Variants in BNC2 observed in about 807,000 individuals in gnomAD.
The protein encoded by BNC2 is basonuclin zinc finger protein 2.
In BNC2, 20 loss-of-function variants were observed where a neutral mutation model predicts 76.3. The observed-to-expected ratio is 0.26, with a 90% CI of 0.18 to 0.38. The LOEUF (loss-of-function observed/expected upper bound fraction) is 0.38, where lower values mean the gene tolerates loss of function less well. Ranked by LOEUF, BNC2 falls within the 10% of genes least tolerant of loss-of-function variation. BNC2 has a pLI of 1.00. For synonymous variants in BNC2, 582 were observed against 514.8 expected, an observed-to-expected ratio of 1.13 and a Z score of -1.77; for missense variants, 1,382 against 1,399.8, an observed-to-expected ratio of 0.99 and a Z score of 0.20.
chr9:16,774,918 TTTTA>T (rs201678699), intron 1 of BNC2, among the ~76,000 whole-genome samples: 51 of 152,240 alleles, frequency 3.3e-4, no homozygotes, highest in Non-Finnish European at 6.3e-4. Context: ...ATGAAGCGTT[TTTTA>T]TTTGTTTTTG....
rs537618805 is a variant in BNC2, at chr9:16,553,700, A to G, written c.434-935T>C. On this transcript the variant is annotated intron_variant, in intron 4 of 6. Coordinates refer to ENST00000380672, the MANE Select transcript of BNC2 (RefSeq NM_017637.6). ...CAACAATTGGGTGCTTTTTCTCCTC[A>G]AATTTAAGAAACGCCATCTCTTCTC... Among the ~76,000 whole-genome samples, 28 of 152,262 alleles carry G rather than the reference A, an allele frequency of 1.8e-4. No homozygotes were observed. In the South Asian group the frequency reaches 5.8e-3, roughly 32 times the overall value.
chr9:16,469,606 G>A (rs997405031), intron 5 of BNC2, among the ~76,000 whole-genome samples: 8 of 152,160 alleles, frequency 5.3e-5, no homozygotes, highest in Non-Finnish European at 8.8e-5. Context: ...AGAGTGGGGC[G>A]TTGCTGAAAA....
chr9:16,835,526 C>G (rs1818686569), intron 1 of BNC2, among the ~76,000 whole-genome samples: 1 of 152,116 alleles, frequency 6.6e-6, no homozygotes, highest in African/African-American at 2.4e-5. Context: ...TGGTGAAACC[C>G]TGTCCCTACT....
rs530268983 is a variant in BNC2, at chr9:16,636,932, T to C, written c.331-53847A>G. Among the ~76,000 whole-genome samples the C allele has an allele frequency of 7.9e-4, 120 of 151,810 alleles. 2 individuals are homozygous for C. The South Asian group carries it at 0.01, about 13-fold the overall frequency. ...TATATTATTCCATGATTTAAATATA[T>C]ATATATATGTATTTTTTTTTTAAAG... On this transcript the variant is annotated intron_variant, in intron 3 of 6. Transcript: ENST00000380672.
At chr9:16,533,111 T>G (rs992083315) in intron 5 of BNC2, among the ~76,000 whole-genome samples, 4 of 152,226 alleles carry the variant, frequency 2.6e-5, no homozygotes, top group Admixed American at 6.5e-5. Flanking sequence ...GAGAAAGAGA[T>G]AATTTTGCTA....
intron 1 of BNC2, among the ~76,000 whole-genome samples, chr9:16,740,044 C>G (rs1824796777): frequency 6.6e-6 from 1 of 152,272 alleles, no homozygotes; most frequent in East Asian, 1.9e-4. Context: ...AGGTTAGTAT[C>G]TCAGGGGATA....
At chr9:16,747,842 C>G (rs1057238673) in intron 1 of BNC2, among the ~76,000 whole-genome samples, 7 of 152,186 alleles carry the variant, frequency 4.6e-5, no homozygotes, top group Non-Finnish European at 1.0e-4. Flanking sequence ...GAAAGAGGAG[C>G]TCTGGGAAGG....
chr9:16,844,253 C>T (rs770989159), intron 1 of BNC2, among the ~76,000 whole-genome samples: 2 of 151,476 alleles, frequency 1.3e-5, no homozygotes, highest in Non-Finnish European at 2.9e-5. Flanking sequence ...TTTGCAAAAA[C>T]GGGTATATCT....
intron 3 of BNC2, among the ~76,000 whole-genome samples, chr9:16,689,056 T>G (rs1452739426): frequency 6.6e-6 from 1 of 151,042 alleles, no homozygotes; most frequent in Non-Finnish European, 1.5e-5. Context: ...TCAAAAGGGC[T>G]TCCAGAAAAC....
chr9:16,525,029 C>A (rs1223062051), intron 5 of BNC2, among the ~76,000 whole-genome samples: 4 of 145,546 alleles, frequency 2.7e-5, no homozygotes, highest in African/African-American at 1.0e-4. Context: ...GCTGTGATAG[C>A]GCCACTGCAC....
intron 3 of BNC2, among the ~76,000 whole-genome samples, chr9:16,631,602 G>A (rs1311634137): frequency 6.6e-6 from 1 of 152,222 alleles, no homozygotes; most frequent in Non-Finnish European, 1.5e-5. Context: ...TTCTGCAACT[G>A]AGAGGGCTGG....
At chr9:16,682,804 A>C (rs1822864414) in intron 3 of BNC2, among the ~76,000 whole-genome samples, 1 of 152,234 alleles carries the variant, frequency 6.6e-6, no homozygotes, top group Non-Finnish European at 1.5e-5. Flanking sequence ...CAACCAAGAA[A>C]AGAACTGTGC....
intron 1 of BNC2, among the ~76,000 whole-genome samples, chr9:16,861,459 C>T (rs868646465): frequency 6.6e-5 from 10 of 151,918 alleles, no homozygotes; most frequent in African/African-American, 2.2e-4. Context: ...ATATAAACAG[C>T]ACTTAAAACT....
At chr9:16,522,459 A>G (rs1262445314) in intron 5 of BNC2, among the ~76,000 whole-genome samples, 2 of 152,180 alleles carry the variant, frequency 1.3e-5, no homozygotes, top group Admixed American at 6.5e-5. Flanking sequence ...AGCTAGAGAC[A>G]TATGAAGAGA....
chr9:16,549,892 G>C (rs1014158977), intron 5 of BNC2, among the ~76,000 whole-genome samples: 2 of 152,028 alleles, frequency 1.3e-5, no homozygotes, highest in African/African-American at 4.8e-5. Flanking sequence ...ACTAAACCTA[G>C]AACTCCTCTA....
intron 1 of BNC2, among the ~76,000 whole-genome samples, chr9:16,802,145 T>C (rs1817800349): frequency 6.6e-6 from 1 of 152,222 alleles, no homozygotes; most frequent in Non-Finnish European, 1.5e-5. Context: ...TGCTCAAGGA[T>C]ACGCGGCATT....
chr9:16,714,380 C>T (rs1823939746), intron 3 of BNC2, among the ~76,000 whole-genome samples: 1 of 152,188 alleles, frequency 6.6e-6, no homozygotes, highest in South Asian at 2.1e-4. Flanking sequence ...ATTAAAGATA[C>T]TTTATCTAAT....
rs111706583 is a variant in BNC2 at position 16,491,166 on chromosome 9, T to C, written c.670-53642A>G. On this transcript the variant is annotated intron_variant, in intron 5 of 6. Coordinates refer to ENST00000380672, the MANE Select transcript of BNC2 (RefSeq NM_017637.6). ...CACCGAGAGCAAAGACAAATATTTT[T>C]ACATTACATGTTGCAGTCAGTGAAA... is the stretch of plus-strand genomic sequence containing the variant. 4.5e-4 allele frequency among the ~76,000 whole-genome samples: 68 copies of C among 152,298 alleles called. 2 individuals are homozygous for C. Among genetic ancestry groups the C allele is most frequent in the African/African-American group, 1.3e-3 (55 of 41,572 alleles).
At chr9:16,810,614 T>G (rs1020045491) in intron 1 of BNC2, among the ~76,000 whole-genome samples, 1 of 152,202 alleles carries the variant, frequency 6.6e-6, no homozygotes, top group Non-Finnish European at 1.5e-5. Flanking sequence ...TCACAGGCAT[T>G]GGTGGATGGT....
Sources: allele counts gnomAD v4.1 joint callset (sites outside exome capture counted in the v4.1 genomes callset), GRCh38; gene constraint gnomAD v4.1.1; transcripts MANE v1.5; gene names NCBI Gene and HGNC (gene_info 2026-07-23, HGNC 2026-07-21).